HECTD4: variants seen among roughly 807,000 people sequenced by gnomAD.
HECTD4 encodes probable E3 ubiquitin-protein ligase HECTD4.
Under a neutral mutation model 471.5 loss-of-function variants are expected in HECTD4, and 114 were observed. The observed-to-expected ratio is 0.24, with a 90% confidence interval of 0.21 to 0.28. The LOEUF is 0.28. Among genes scored for constraint, HECTD4 ranks in the 10% least tolerant of loss-of-function variants. HECTD4 has a pLI of 1.00. For synonymous variants in HECTD4, 2,012 were observed against 2,256.0 expected, an observed-to-expected ratio of 0.89 and a Z score of 3.07; for missense variants, 3,866 against 5,651.5, an observed-to-expected ratio of 0.68 and a Z score of 10.13.
At chr12:112,191,588 A>G (rs915269449) in intron 59 of HECTD4, among the ~76,000 whole-genome samples, 1 of 152,226 alleles carries the variant, frequency 6.6e-6, no homozygotes, top group African/African-American at 2.4e-5. Context: ...CCAGGGCATC[A>G]GAGGGCTTTG....
At chr12:112,291,798 G>A (rs1372053298) in intron 7 of HECTD4, among the ~76,000 whole-genome samples, 1 of 152,146 alleles carries the variant, frequency 6.6e-6, no homozygotes, top group Non-Finnish European at 1.5e-5. Context: ...CGTGAACCGG[G>A]GAGGCGGAGC....
intron 1 of HECTD4, among the ~76,000 whole-genome samples, chr12:112,362,982 A>G (rs2158226): frequency 0.21 from 32,288 of 152,084 alleles, 5,537 homozygotes; most frequent in East Asian, 0.85. Flanking sequence ...GATTACAGGC[A>G]TGAGCCACTG....
intron 1 of HECTD4, among the ~76,000 whole-genome samples, chr12:112,343,785 A>G (rs1007925785): frequency 2.0e-5 from 3 of 152,172 alleles, no homozygotes; most frequent in African/African-American, 7.2e-5. Flanking sequence ...GGGAAAAAAA[A>G]AAGTGAAATC....
intron 44 of HECTD4, among the ~76,000 whole-genome samples, chr12:112,223,228 G>A (rs1355248293): frequency 6.6e-6 from 1 of 152,172 alleles, no homozygotes; most frequent in African/African-American, 2.4e-5. Context: ...ATCTGGCTCA[G>A]GGAGTAAGTA....
At chr12:112,175,409 C>T (rs2031400914) in intron 66 of HECTD4, among the ~76,000 whole-genome samples, 1 of 152,212 alleles carries the variant, frequency 6.6e-6, no homozygotes, top group African/African-American at 2.4e-5. Flanking sequence ...GAAACCAGCA[C>T]TGCTGACACC....
At chr12:112,234,891 C>A (rs528068092) in intron 37 of HECTD4, among the ~76,000 whole-genome samples, 186 bp downstream of exon 37, 1 of 152,366 alleles carries the variant, frequency 6.6e-6, no homozygotes, top group South Asian at 2.1e-4. Flanking sequence ...GAGAAGACTA[C>A]ATCTGCATTT....
Position 112,254,028 on chromosome 12 carries a change from G to T in HECTD4, c.3447+15C>A. 1.2e-6 allele frequency: 2 copies of T among 1,613,478 alleles called. No homozygotes were observed. The highest frequency in any genetic ancestry group is 2.2e-5 in the South Asian group (2 of 90,988). ...ATTTTCTTTTCTAGGAAGCGATTAT[G>T]ACTGAATACCATACCTTCACCAAGT... On this transcript the variant is annotated intron_variant, in intron 22 of 75. Transcript: ENST00000682272.
Position 112,228,736 on chromosome 12 carries a change from T to G in HECTD4, c.6595A>C (p.Arg2199=). The part of the protein sequence containing the change: ...INEQEGIATV[R]FPPIDCRKTS... ...TTTCTACAGTCTATGGGTGGGAATC[T>G]GACTGTAGCTATACCTTCCTGTTCA... The change falls in exon 42 of 76, where the codon AGA becomes CGA. Residue 2199 remains arginine (R), a synonymous_variant. Coordinates refer to ENST00000682272, the MANE Select transcript of HECTD4 (RefSeq NM_001388303.1). The surrounding 1 kb of genome is among the most constrained non-coding windows in gnomAD (Gnocchi z 4.9). The G allele has an allele frequency of 6.2e-7, 1 of 1,613,566 alleles. No individual in the cohort carries two copies. The highest frequency in any genetic ancestry group is 1.3e-5 in the African/African-American group (1 of 75,042).
intron 48 of HECTD4, among the ~76,000 whole-genome samples, chr12:112,216,078 T>A (rs927008599): frequency 2.0e-5 from 3 of 152,244 alleles, no homozygotes; most frequent in Non-Finnish European, 4.4e-5. Flanking sequence ...AAAGTACACG[T>A]AACTCTGGAG....
In HECTD4 at chr12:112,228,113, C is replaced by T. The variant is rs777259730; in HGVS notation, c.6830G>A (p.Arg2277Gln). Residue 2277 changes from arginine (R) to glutamine (Q), a missense_variant, in exon 43 of 76, where the codon CGG (arginine) becomes CAG (glutamine). This residue lies in a region of HECTD4 where 617 missense variants were observed against 915.1 expected (regional missense o/e 0.67). Coordinates refer to ENST00000682272, the MANE Select transcript of HECTD4 (RefSeq NM_001388303.1). This position sits in a 1 kb window ranked among gnomAD's most constrained non-coding sequence, Gnocchi z 4.9. ...DGSAPVMAVV[R>Q]LLAEIRTRAC... ...CCTTGTCCTTATTTCAGCAAGGAGC[C>T]GAACGACTGCCATCACAGGAGCTGA... The T allele has an allele frequency of 3.1e-6, 5 of 1,612,826 alleles. No individual in the cohort carries two copies. Among genetic ancestry groups the T allele is most frequent in the East Asian group, 2.2e-5 (1 of 44,816 alleles).
chr12:112,362,519 C>A (rs1015892853), intron 1 of HECTD4, among the ~76,000 whole-genome samples: 2 of 152,074 alleles, frequency 1.3e-5, no homozygotes, highest in Non-Finnish European at 2.9e-5. Flanking sequence ...GGGAGCACAT[C>A]AGGAGACCAG....
chr12:112,279,336 A>G lies in HECTD4; in HGVS notation c.1579T>C (p.Tyr527His), dbSNP rs768646100. The G allele has an allele frequency of 6.2e-7, 1 of 1,611,334 alleles. No homozygotes were observed. Among genetic ancestry groups the G allele is most frequent in the Non-Finnish European group, 8.5e-7 (1 of 1,179,444 alleles). Residue 527 changes from tyrosine to histidine, a missense_variant, in exon 9 of 76, where the codon TAT becomes CAT. Physicochemically the swap from Tyr to His is moderately conservative, Grantham distance 83. Around this residue, in one of 16 missense-constraint regions of HECTD4, gnomAD observed 525 missense variants for 672.6 expected, o/e 0.78. Transcript: ENST00000682272. Reference sequence around the variant, plus strand: ...ATCACCAAGTAGGTGCCACAGGTATATATGGGTGTCTTCCGCAGCATTTTT... The same window carrying G: ...ATCACCAAGTAGGTGCCACAGGTATGTATGGGTGTCTTCCGCAGCATTTTT... ...PLKMLRKTPI[Y>H]TCGTYLVMLV... is the part of the protein sequence containing the mutation.
Position 112,319,949 on chromosome 12 carries a change from T to C in HECTD4, c.178-207A>G, listed in dbSNP as rs1288125203. Among the ~76,000 whole-genome samples the C allele has an allele frequency of 1.3e-5, 2 of 152,230 alleles. No homozygotes were observed. Among genetic ancestry groups the C allele is most frequent in the African/African-American group, 4.8e-5 (2 of 41,472 alleles). On this transcript the variant is annotated intron_variant, in intron 1 of 75. Coordinates refer to ENST00000682272, the MANE Select transcript of HECTD4 (RefSeq NM_001388303.1). The surrounding 1 kb of genome is among the most constrained non-coding windows in gnomAD (Gnocchi z 5.3). ...TTTTCTGTTAATGCTTCCATGAAAATTGGGATTAGACCTAATTGAAAGAGC... is the reference window on the plus strand; with the variant it reads ...TTTTCTGTTAATGCTTCCATGAAAACTGGGATTAGACCTAATTGAAAGAGC...
At chr12:112,270,166 A>G in intron 12 of HECTD4, 61 bp downstream of exon 12, 5 of 1,447,412 alleles carry the variant, frequency 3.5e-6, no homozygotes, top group Non-Finnish European at 4.8e-6. Context: ...GAACTGGCTG[A>G]AGCCAAGGTT....
intron 52 of HECTD4, among the ~76,000 whole-genome samples, chr12:112,206,390 G>A (rs906543955): frequency 5.9e-5 from 9 of 152,092 alleles, no homozygotes; most frequent in African/African-American, 2.2e-4. Flanking sequence ...AGGTACTCGG[G>A]AAGCTGAAGC....
At chr12:112,337,905 G>C (rs2035987728) in intron 1 of HECTD4, among the ~76,000 whole-genome samples, 1 of 152,164 alleles carries the variant, frequency 6.6e-6, no homozygotes. Context: ...ATAGAAATTG[G>C]TTCAAAAACC....
At chr12:112,249,818 A>G (rs1028628992) in intron 25 of HECTD4, 11 of 336,930 alleles carry the variant, frequency 3.3e-5, no homozygotes, top group Non-Finnish European at 6.1e-5. Flanking sequence ...AGCACTTGTC[A>G]CACTTTAGCA....
Position 112,236,996 on chromosome 12 carries a change from G to T in HECTD4, c.5393C>A (p.Ala1798Asp). Residue 1798 changes from alanine (A) to aspartate (D), a missense_variant, in exon 35 of 76, where the codon GCT (alanine) becomes GAT (aspartate). By Grantham distance (126) the Ala-to-Asp change is moderately radical (BLOSUM62 -2). This residue lies in a region of HECTD4 where 229 missense variants were observed against 386.4 expected (regional missense o/e 0.59). Coordinates refer to ENST00000682272, the MANE Select transcript of HECTD4 (RefSeq NM_001388303.1). The part of the protein sequence containing the change: ...RATECCGNQA[A>D]GNDALQDVLS... The stretch of plus-strand genomic sequence containing the variant: ...GACATCCTGGAGCGCGTCATTCCCA[G>T]CAGCCTGGTTGCCACAGCACTCTGT... 6.2e-7 allele frequency: 1 copy of T among 1,612,736 alleles called. No individual in the cohort carries two copies. Among genetic ancestry groups the T allele is most frequent in the Non-Finnish European group, 8.5e-7 (1 of 1,179,488 alleles).
rs770609716 is a variant in HECTD4 at position 112,163,211 on chromosome 12, G to A, written c.12951C>T (p.Phe4317=). 6.2e-7 allele frequency: 1 copy of A among 1,613,956 alleles called. No homozygotes were observed. The change falls in exon 75 of 76, where the codon TTC becomes TTT. Residue 4317 remains phenylalanine, a synonymous_variant. Coordinates refer to ENST00000682272, the MANE Select transcript of HECTD4 (RefSeq NM_001388303.1). This position sits in a 1 kb window ranked among gnomAD's most constrained non-coding sequence, Gnocchi z 8.2. Reference sequence around the variant, plus strand: ...TGAACATCTCCAGGGCCCCCCAGAAGAACTCGATGTGCTGGTCCGTCTCCA... The same window carrying A: ...TGAACATCTCCAGGGCCCCCCAGAAAAACTCGATGTGCTGGTCCGTCTCCA... ...GLMETDQHIE[F]FWGALEMFTQ... is the part of the protein sequence containing the mutation.
Sources: gnomAD v4.1 joint callset for allele counts (sites outside exome capture counted in the v4.1 genomes callset) on GRCh38, gnomAD v4.1.1 for gene constraint, gnomAD v4.1.1 regional missense constraint, Gnocchi (gnomAD v3.1) non-coding constraint, MANE v1.5 for transcripts, NCBI Gene and HGNC (gene_info 2026-07-23, HGNC 2026-07-21) for gene names.